Variants in HNRNPL observed in about 807,000 individuals in gnomAD.
HNRNPL encodes the protein epididymis secretory sperm binding protein.
Under a neutral mutation model 64.0 loss-of-function variants are expected in HNRNPL, and 12 were observed. That is an observed-to-expected ratio of 0.19 (90% CI 0.12 to 0.30). The LOEUF (loss-of-function observed/expected upper bound fraction) is 0.30, where lower values mean the gene tolerates loss of function less well. Among genes scored for constraint, HNRNPL ranks in the 10% least tolerant of loss-of-function variants. The pLI is 1.00. For synonymous variants in HNRNPL, 385 were observed against 313.0 expected, an observed-to-expected ratio of 1.23 and a Z score of -2.43; for missense variants, 484 against 797.4, an observed-to-expected ratio of 0.61 and a Z score of 4.73.
At chr19:38,842,709 G>A (rs183182385) in intron 6 of HNRNPL, among the ~76,000 whole-genome samples, 1 of 152,158 alleles carries the variant, frequency 6.6e-6, no homozygotes, top group East Asian at 1.9e-4. Flanking sequence ...GCGAAGCACC[G>A]CCCTCACTCC....
chr19:38,838,929 G>A lies in HNRNPL; in HGVS notation c.1320C>T (p.Asn440=). 1 of 1,614,162 alleles carries A rather than the reference G, an allele frequency of 6.2e-7. No individual in the cohort carries two copies. Among genetic ancestry groups the A allele is most frequent in the East Asian group, 2.2e-5 (1 of 44,884 alleles). ...YAVDRAITHL[N]NNFMFGQKLN... Reference sequence around the variant, plus strand: ...GCTTCTGCCCAAACATGAAGTTGTTGTTGAGGTGGGTAATGGCCCGGTCTA... The same window carrying A: ...GCTTCTGCCCAAACATGAAGTTGTTATTGAGGTGGGTAATGGCCCGGTCTA... The change falls in exon 9 of 13, where the codon AAC becomes AAT. Residue 440 remains asparagine, a synonymous_variant. Transcript: ENST00000221419.
In HNRNPL at chr19:38,840,297, CCTT is replaced by C. The variant is rs761751334; in HGVS notation, c.1029_1031del (p.Arg344del). On this transcript the variant is annotated inframe_deletion, in exon 8 of 13. Coordinates refer to ENST00000221419, the MANE Select transcript of HNRNPL (RefSeq NM_001533.3). The stretch of plus-strand genomic sequence containing the variant: ...GGTGACCCCCCACTGGTGGACCCAT[CCTT>C]CTCCCTTCGTAGTGAGGTGGGGGGG... 5.7e-6 allele frequency: 9 copies of C among 1,569,542 alleles called. No homozygotes were observed. Among genetic ancestry groups the C allele is most frequent in the Admixed American group, 3.6e-5 (2 of 56,284 alleles).
intron 6 of HNRNPL, chr19:38,842,421 CTTT>C (rs543992276): frequency 3.2e-4 from 48 of 152,008 alleles, no homozygotes; most frequent in African/African-American, 1.0e-3. Flanking sequence ...GGATTTTGAC[CTTT>C]TTTTTAATGT....
intron 12 of HNRNPL, 171 bp from the exon 13 acceptor site, chr19:38,836,951 G>A (rs908371096): frequency 2.3e-5 from 13 of 569,878 alleles, no homozygotes; most frequent in Non-Finnish European, 2.9e-5. Flanking sequence ...TATGCACGGC[G>A]TTTCTCCTTC....
Position 38,844,959 on chromosome 19 carries a change from C to T in HNRNPL, c.710+691G>A, listed in dbSNP as rs185607556. 2.1e-3 allele frequency: 318 copies of T among 152,268 alleles called. 3 individuals are homozygous for T. The highest frequency in any genetic ancestry group is 3.8e-3 in the Non-Finnish European group (262 of 68,064). 9.4% of individuals were successfully genotyped at this position (152,268 alleles called of 1,614,324 possible). On this transcript the variant is annotated intron_variant, in intron 4 of 12. Transcript: ENST00000221419. ...CCTGACCTCAGGTATCTGTCCACCT[C>T]GGCCTCCGAAAGTGCTGGGATTGCA...
intron 1 of HNRNPL, among the ~76,000 whole-genome samples, chr19:38,847,792 G>A (rs1361025073): frequency 6.6e-6 from 1 of 152,202 alleles, no homozygotes; most frequent in African/African-American, 2.4e-5. Context: ...GCTGGAAAAG[G>A]AGATACACTG....
At chr19:38,848,139 G>A (rs895087361) in intron 1 of HNRNPL, among the ~76,000 whole-genome samples, 1 of 152,198 alleles carries the variant, frequency 6.6e-6, no homozygotes, top group African/African-American at 2.4e-5. Flanking sequence ...CACCCAGGCT[G>A]GAGTGCTATG....
intron 6 of HNRNPL, 173 bp from the exon 7 acceptor site, chr19:38,840,732 A>G (rs1406983805): frequency 1.6e-6 from 1 of 626,746 alleles, no homozygotes; most frequent in East Asian, 2.9e-5. Flanking sequence ...ATGAAGCCCG[A>G]GCCTCAAAGC....
intron 1 of HNRNPL, chr19:38,849,212 G>A (rs1488003114): frequency 1.2e-5 from 2 of 161,140 alleles, no homozygotes; most frequent in African/African-American, 4.8e-5. Flanking sequence ...ATCCATTTCT[G>A]TATAGACACA....
In HNRNPL at chr19:38,843,836, G is replaced by A; in HGVS notation, c.880+6C>T. 1.9e-6 allele frequency: 3 copies of A among 1,612,142 alleles called. No individual in the cohort carries two copies. The highest frequency in any genetic ancestry group is 2.5e-6 in the Non-Finnish European group (3 of 1,178,128). On this transcript the variant is annotated splice_donor_region_variant and intron_variant, in intron 6 of 12. Transcript: ENST00000221419. ...ATGTTTAGAACAAAGTGGTCGTCAA[G>A]ATTACCTTGTCCACTGAGATTGGGG...
chr19:38,848,540 GGGCC>G (rs1285174355), intron 1 of HNRNPL, among the ~76,000 whole-genome samples: 1 of 152,174 alleles, frequency 6.6e-6, no homozygotes, highest in Non-Finnish European at 1.5e-5. Context: ...CTGGGCTCTG[GGGCC>G]GGCCCCCTGT....
intron 2 of HNRNPL, 130 bp from the exon 3 acceptor site, chr19:38,846,220 A>G: frequency 1.4e-6 from 1 of 739,956 alleles, no homozygotes; most frequent in Middle Eastern, 2.4e-4. Context: ...TGGTTCCCCG[A>G]CCTGAACACC....
At chr19:38,843,071 T>TGG (rs3837928) in intron 6 of HNRNPL, among the ~76,000 whole-genome samples, 1 of 152,064 alleles carries the variant, frequency 6.6e-6, no homozygotes, top group South Asian at 2.1e-4. Context: ...TGCCTAGGAA[T>TGG]GGGGGGCTCT....
chr19:38,836,784 C>T lies in HNRNPL; in HGVS notation c.1712-4G>A. 1 of 1,610,484 alleles carries T rather than the reference C, an allele frequency of 6.2e-7. No homozygotes were observed. The highest frequency in any genetic ancestry group is 1.3e-5 in the African/African-American group (1 of 74,886). On this transcript the variant is annotated splice_region_variant and splice_polypyrimidine_tract_variant and intron_variant, in intron 12 of 12. Coordinates refer to ENST00000221419, the MANE Select transcript of HNRNPL (RefSeq NM_001533.3). ...AGAGTGTAAGGGTATGGACCATCTG[C>T]AAAGGAGAGACAAGTTTGGTTGGTT...
At chr19:38,840,445 CAT>C (rs1313015171) in intron 7 of HNRNPL, 41 bp downstream of exon 7, 1 of 1,564,130 alleles carries the variant, frequency 6.4e-7, no homozygotes, top group Non-Finnish European at 8.7e-7. Context: ...GGCAGGGGCA[CAT>C]GAGCCACGGG....
intron 7 of HNRNPL, 21 bp downstream of exon 7, chr19:38,840,467 A>T: frequency 6.3e-7 from 1 of 1,579,080 alleles, no homozygotes; most frequent in Non-Finnish European, 8.6e-7. Flanking sequence ...GAGTCCACGG[A>T]GGGGAACCCC....
chr19:38,848,099 TTTA>T (rs869088170), intron 1 of HNRNPL, among the ~76,000 whole-genome samples: 1 of 138,622 alleles, frequency 7.2e-6, no homozygotes, highest in East Asian at 2.0e-4. Context: ...AAGTCTTTTA[TTTA>T]TTTTTTGAGA....
chr19:38,848,800 G>A (rs1025301131), intron 1 of HNRNPL, among the ~76,000 whole-genome samples: 3 of 152,176 alleles, frequency 2.0e-5, no homozygotes, highest in Non-Finnish European at 4.4e-5. Flanking sequence ...CCAACCTCAG[G>A]AAGCGTTAAG....
At chr19:38,848,472 C>A (rs1180561354) in intron 1 of HNRNPL, among the ~76,000 whole-genome samples, 1 of 152,242 alleles carries the variant, frequency 6.6e-6, no homozygotes, top group Admixed American at 6.5e-5. Flanking sequence ...AAGTATCTTA[C>A]ACCCACCGAC....
Sources: allele counts gnomAD v4.1 joint callset (sites outside exome capture counted in the v4.1 genomes callset), GRCh38; gene constraint gnomAD v4.1.1; transcripts MANE v1.5; gene names NCBI Gene and HGNC (gene_info 2026-07-23, HGNC 2026-07-21).